The following AMMECR1 variants were observed in gnomAD, a reference collection of about 807,000 sequenced individuals.
AMMECR1 encodes the protein nuclear protein AMMECR1.
In AMMECR1, 3 loss-of-function variants were observed where a neutral mutation model predicts 22.5. That is an observed-to-expected ratio of 0.13 (90% confidence interval 0.06 to 0.35). AMMECR1 has a LOEUF of 0.35. AMMECR1 is among the 10% of genes least tolerant of loss of function. AMMECR1 has a pLI of 1.00. For synonymous variants in AMMECR1, 130 were observed against 116.7 expected, an observed-to-expected ratio of 1.11 and a Z score of -0.74; for missense variants, 235 against 278.7, an observed-to-expected ratio of 0.84 and a Z score of 1.12.
intron 2 of AMMECR1, among the ~76,000 whole-genome samples, chrX:110,404,527 T>C (rs1405881198): frequency 8.9e-6 from 1 of 112,176 alleles, no homozygotes; most frequent in Non-Finnish European, 1.9e-5. Context: ...AATAGCACTG[T>C]CTGATCATAA....
chrX:110,381,323 A>G (rs1477382485), intron 2 of AMMECR1, among the ~76,000 whole-genome samples: 1 of 112,234 alleles, frequency 8.9e-6, no homozygotes, highest in African/African-American at 3.2e-5. Context: ...ACATGAAAAA[A>G]TGCTCATCAT....
intron 2 of AMMECR1, among the ~76,000 whole-genome samples, chrX:110,422,125 G>A (rs1167965053): frequency 8.9e-6 from 1 of 112,962 alleles, no homozygotes; most frequent in Admixed American, 9.3e-5. Context: ...ATAGTGCCTG[G>A]CACAGAGTAA....
intron 2 of AMMECR1, among the ~76,000 whole-genome samples, chrX:110,333,644 TA>T (rs1181128683): frequency 1.8e-5 from 2 of 111,380 alleles, no homozygotes; most frequent in Non-Finnish European, 3.8e-5. Flanking sequence ...TATGCAGCCA[TA>T]AAAAAGGATG....
At chrX:110,261,064 T>C (rs2067738483) in intron 2 of AMMECR1, among the ~76,000 whole-genome samples, 1 of 111,220 alleles carries the variant, frequency 9.0e-6, no homozygotes, top group Non-Finnish European at 1.9e-5. Context: ...TCATGTTTAA[T>C]GGGTAGAGTT....
rs750543035 is a variant in AMMECR1 at position 110,420,769 on chromosome X, G to A, written c.-148+5889C>T. On this transcript the variant is annotated intron_variant, in intron 2 of 7. Coordinates refer to the AMMECR1 transcript ENST00000372057. ...CACATTTTCCCAACTGGCCTCCGTC[G>A]TGAGAACAAGTGGGAACTTTCATAC... is the stretch of plus-strand genomic sequence containing the variant. Among the ~76,000 whole-genome samples, 73 of 111,632 alleles carry A rather than the reference G, an allele frequency of 6.5e-4. 2 individuals are homozygous for A. The highest frequency in any genetic ancestry group is 3.8e-4 in the South Asian group (1 of 2,625).
At position 110,270,806 on chromosome X, in the gene AMMECR1, A is replaced by C. The variant is rs552458672; in HGVS notation, c.474-6207T>G. 2.3e-4 allele frequency among the ~76,000 whole-genome samples: 26 copies of C among 111,852 alleles called. No homozygotes were observed. The South Asian group carries it at 9.5e-3, about 41-fold the overall frequency. ...CTTTCTGATCTCCCTCAGCCTTCTC[A>C]CTTCATTTTTTCCTGTTGTCTAGCT... is the stretch of plus-strand genomic sequence containing the variant. On this transcript the variant is annotated intron_variant, in intron 1 of 5. Transcript: ENST00000262844.
At chrX:110,432,807 C>T (rs970952728) in intron 1 of AMMECR1, among the ~76,000 whole-genome samples, 6 of 112,724 alleles carry the variant, frequency 5.3e-5, no homozygotes, top group Non-Finnish European at 9.4e-5. Context: ...AGTGAAGTCC[C>T]AGCACTTGAA....
Position 110,385,455 on chromosome X carries a change from A to AAAAT in AMMECR1, c.-148+41199_-148+41202dup, listed in dbSNP as rs762690184. Reference sequence around the variant, plus strand: ...ACCATCACCACAATCTAATTTTTAGAAAATATTCATTACCCCAAAAAGGAA... The same window carrying AAAAT: ...ACCATCACCACAATCTAATTTTTAGAAAATAAATATTCATTACCCCAAAAAGGAA... On this transcript the variant is annotated intron_variant, in intron 2 of 7. Transcript: ENST00000372057. Among the ~76,000 whole-genome samples, 7 of 111,662 alleles carry AAAAT rather than the reference A, an allele frequency of 6.3e-5. No homozygotes were observed. In the South Asian group the frequency reaches 2.7e-3, roughly 43 times the overall value.
chrX:110,264,585 GT>G lies in AMMECR1; in HGVS notation c.487del (p.Thr163HisfsTer14). Reference sequence around the variant, plus strand: ...TCTTTTGTCTCGACCAATCTTCCATGTTACAAACAGTGGGCTGTAATGGAAG... The same window carrying G: ...TCTTTTGTCTCGACCAATCTTCCATGTACAAACAGTGGGCTGTAATGGAAG... ...FTNEPYPLFV[T>X]WKIGRDKRLR... On this transcript the variant is annotated frameshift_variant, in exon 2 of 6. Transcript: ENST00000262844. LOFTEE classifies it high-confidence loss of function. 1 of 1,184,010 alleles carries G rather than the reference GT, an allele frequency of 8.4e-7. No homozygotes were observed. Among genetic ancestry groups the G allele is most frequent in the Non-Finnish European group, 1.1e-6 (1 of 873,381 alleles).
At chrX:110,420,861 G>A (rs892019713) in intron 2 of AMMECR1, among the ~76,000 whole-genome samples, 2 of 111,244 alleles carry the variant, frequency 1.8e-5, no homozygotes, top group African/African-American at 6.5e-5. Flanking sequence ...GCAGGTTTCC[G>A]ATCCTCAGCA....
chrX:110,230,861 T>C (rs996565890), intron 2 of AMMECR1, among the ~76,000 whole-genome samples: 1 of 111,875 alleles, frequency 8.9e-6, no homozygotes. Flanking sequence ...CTGAAAACCA[T>C]GGCACGAGAA....
chrX:110,249,563 A>C (rs1394269458), intron 2 of AMMECR1, among the ~76,000 whole-genome samples: 5 of 111,735 alleles, frequency 4.5e-5, no homozygotes, highest in African/African-American at 1.6e-4. Context: ...AACAGAAGTT[A>C]CAAGTATGAT....
At chrX:110,350,947 T>A (rs2068209020) in intron 2 of AMMECR1, among the ~76,000 whole-genome samples, 1 of 111,198 alleles carries the variant, frequency 9.0e-6, no homozygotes, top group Admixed American at 9.6e-5. Flanking sequence ...CATTCCAGCC[T>A]GGGCAACAGA....
intron 2 of AMMECR1, among the ~76,000 whole-genome samples, chrX:110,341,431 C>G (rs1396250892): frequency 8.9e-6 from 1 of 112,485 alleles, no homozygotes; most frequent in Non-Finnish European, 1.9e-5. Flanking sequence ...CAATTACCCA[C>G]AGCCAACTGT....
chrX:110,351,104 A>G (rs770968668), intron 2 of AMMECR1, among the ~76,000 whole-genome samples: 93 of 112,823 alleles, frequency 8.2e-4, no homozygotes, highest in African/African-American at 2.9e-3. Flanking sequence ...GGAAGAAAAC[A>G]TAAGTAAATG....
intron 2 of AMMECR1, among the ~76,000 whole-genome samples, chrX:110,407,211 G>T (rs2068608901): frequency 8.9e-6 from 1 of 112,084 alleles, no homozygotes; most frequent in East Asian, 2.8e-4. Flanking sequence ...CTACATAAAA[G>T]ATTTTCTTTG....
intron 1 of AMMECR1, among the ~76,000 whole-genome samples, chrX:110,435,783 A>G (rs1369296850): frequency 2.7e-5 from 3 of 112,451 alleles, no homozygotes; most frequent in Non-Finnish European, 5.6e-5. Context: ...CACAAATATT[A>G]TAAACCCTGT....
intron 1 of AMMECR1, among the ~76,000 whole-genome samples, chrX:110,288,083 A>T (rs920909415): frequency 2.7e-5 from 3 of 112,217 alleles, no homozygotes; most frequent in Non-Finnish European, 3.8e-5. Flanking sequence ...AGAGACACTT[A>T]GCCAGTTTGG....
At chrX:110,421,521 T>C (rs909019041) in intron 2 of AMMECR1, among the ~76,000 whole-genome samples, 2 of 112,748 alleles carry the variant, frequency 1.8e-5, no homozygotes, top group African/African-American at 6.4e-5. Context: ...GTCAGTATGC[T>C]TAAGCAGGGG....
Sources: allele counts gnomAD v4.1 joint callset (sites outside exome capture counted in the v4.1 genomes callset), GRCh38; gene constraint gnomAD v4.1.1; transcripts MANE v1.5; gene names NCBI Gene and HGNC (gene_info 2026-07-23, HGNC 2026-07-21).